ANO3: variants seen among roughly 807,000 people sequenced by gnomAD.
ANO3 encodes the protein anoctamin 3.
A neutral mutation model predicts 144.8 loss-of-function variants in ANO3; 99 were observed. That is an observed-to-expected ratio of 0.68 (90% confidence interval 0.58 to 0.81). The LOEUF is 0.81. ANO3 is among the 30% of genes least tolerant of loss of function. ANO3 has a pLI of 0.00. For missense variants in ANO3, 905 were observed against 1,202.2 expected, an observed-to-expected ratio of 0.75 and a Z score of 3.66; for synonymous variants, 414 against 392.6, an observed-to-expected ratio of 1.05 and a Z score of -0.64.
At chr11:26,534,335 A>G (rs1849449127) in intron 8 of ANO3, 121 bp from the exon 9 acceptor site, 1 of 559,508 alleles carries the variant, frequency 1.8e-6, no homozygotes, top group Non-Finnish European at 3.2e-6. Context: ...TTTTTTTTAA[A>G]GAGGATGATT....
At chr11:26,507,689 T>A (rs999516232) in intron 4 of ANO3, among the ~76,000 whole-genome samples, 4 of 152,204 alleles carry the variant, frequency 2.6e-5, no homozygotes, top group African/African-American at 9.6e-5. Context: ...GTATATAGGA[T>A]AAAATATTGA....
intron 1 of ANO3, among the ~76,000 whole-genome samples, chr11:26,262,606 T>A (rs1362823666): frequency 1.3e-5 from 2 of 152,082 alleles, no homozygotes; most frequent in African/African-American, 4.8e-5. Flanking sequence ...ACTTTATATG[T>A]TGAAATCCTA....
At chr11:26,327,873 T>C (rs184353815), upstream of ANO3, among the ~76,000 whole-genome samples, 8 of 152,322 alleles carry the variant, frequency 5.3e-5, no homozygotes, top group Non-Finnish European at 1.0e-4. Flanking sequence ...TTTAATCCTA[T>C]AGGCAACTTG....
intron 1 of ANO3, among the ~76,000 whole-genome samples, chr11:26,299,299 T>C (rs1483932024): frequency 6.6e-6 from 1 of 152,184 alleles, no homozygotes; most frequent in Non-Finnish European, 1.5e-5. Flanking sequence ...ATGCCCCTAA[T>C]ATATCAAAGA....
intron 3 of ANO3, among the ~76,000 whole-genome samples, chr11:26,452,393 A>G (rs1251954194): frequency 2.6e-5 from 4 of 152,218 alleles, no homozygotes; most frequent in Non-Finnish European, 2.9e-5. Flanking sequence ...AAAGGAGCTG[A>G]TGGAGCTGAA....
chr11:26,426,946 T>G (rs1857937688), intron 1 of ANO3: 1 of 152,288 alleles, frequency 6.6e-6, no homozygotes, highest in African/African-American at 2.4e-5. Flanking sequence ...TCTTCTAACA[T>G]TCCTTGAAGT....
intron 1 of ANO3, among the ~76,000 whole-genome samples, chr11:26,211,490 T>G (rs904678516): frequency 1.1e-4 from 17 of 152,242 alleles, no homozygotes; most frequent in South Asian, 8.3e-4. Context: ...ACTACAGACA[T>G]GCAAATCAAA....
intron 1 of ANO3, among the ~76,000 whole-genome samples, chr11:26,296,141 A>G (rs1160902717): frequency 6.6e-6 from 1 of 152,176 alleles, no homozygotes; most frequent in Non-Finnish European, 1.5e-5. Context: ...GTAAGGTTGC[A>G]TTTTCTCTTG....
Position 26,264,226 on chromosome 11 carries a change from A to G in ANO3, c.155-45419A>G, listed in dbSNP as rs547194338. 9.5e-4 allele frequency among the ~76,000 whole-genome samples: 144 copies of G among 152,348 alleles called. 1 individual carries two copies. Among genetic ancestry groups the G allele is most frequent in the African/African-American group, 3.2e-3 (134 of 41,592 alleles). ...AATTAAACTACAACATGTAGCTTCA[A>G]TGTAACCAGGAAATCAATCTATTGA... is the stretch of plus-strand genomic sequence containing the variant. On this transcript the variant is annotated intron_variant, in intron 1 of 27. Transcript: ENST00000672621.
chr11:26,629,397 C>CCTATCTAT (rs34205606), intron 18 of ANO3, among the ~76,000 whole-genome samples: 117 of 151,062 alleles, frequency 7.7e-4, no homozygotes, highest in Middle Eastern at 3.4e-3. Context: ...TTACATTATT[C>CCTATCTAT]CTATCTATCT....
intron 1 of ANO3, among the ~76,000 whole-genome samples, chr11:26,232,270 G>A (rs971295018): frequency 6.6e-6 from 1 of 152,178 alleles, no homozygotes; most frequent in African/African-American, 2.4e-5. Context: ...AGGAGTGGGT[G>A]AAAAGCTGGT....
chr11:26,195,378 C>T (rs1021502329), intron 1 of ANO3, among the ~76,000 whole-genome samples: 1 of 152,094 alleles, frequency 6.6e-6, no homozygotes, highest in Non-Finnish European at 1.5e-5. Context: ...TATGTATGTA[C>T]CAGAAATTAA....
intron 1 of ANO3, among the ~76,000 whole-genome samples, chr11:26,303,682 C>A (rs1854289843): frequency 6.6e-6 from 1 of 152,076 alleles, no homozygotes; most frequent in African/African-American, 2.4e-5. Flanking sequence ...TACAAATGTA[C>A]CACTTGAATC....
At chr11:26,397,587 G>A (rs1857048074) in intron 1 of ANO3, among the ~76,000 whole-genome samples, 1 of 151,850 alleles carries the variant, frequency 6.6e-6, no homozygotes, top group African/African-American at 2.4e-5. Context: ...CATAATAATT[G>A]TAAATATTAT....
At chr11:26,532,171 A>G (rs1217611268) in intron 8 of ANO3, among the ~76,000 whole-genome samples, 1 of 152,214 alleles carries the variant, frequency 6.6e-6, no homozygotes, top group Non-Finnish European at 1.5e-5. Context: ...CCATCAATCA[A>G]TGGGAAACCC....
chr11:26,245,210 A>G (rs1852763317), intron 1 of ANO3, among the ~76,000 whole-genome samples: 2 of 152,172 alleles, frequency 1.3e-5, no homozygotes, highest in Non-Finnish European at 2.9e-5. Flanking sequence ...CATGATGTCA[A>G]TTGGTCCCAT....
chr11:26,648,020 G>C (rs1048723941), intron 24 of ANO3, among the ~76,000 whole-genome samples, 164 bp downstream of exon 24: 1 of 152,108 alleles, frequency 6.6e-6, no homozygotes, highest in African/African-American at 2.4e-5. Flanking sequence ...AAGGACAACA[G>C]TGTTATTATA....
At chr11:26,234,788 T>C (rs1852478809) in intron 1 of ANO3, among the ~76,000 whole-genome samples, 2 of 152,166 alleles carry the variant, frequency 1.3e-5, no homozygotes, top group African/African-American at 2.4e-5. Context: ...AGGATATACA[T>C]AGAGTGAGAT....
chr11:26,449,217 G>A (rs1342257940), intron 3 of ANO3, among the ~76,000 whole-genome samples: 1 of 152,054 alleles, frequency 6.6e-6, no homozygotes, highest in Admixed American at 6.6e-5. Flanking sequence ...AATAAGCTAG[G>A]TTCACATCAG....
Sources: gnomAD v4.1 joint callset for allele counts (sites outside exome capture counted in the v4.1 genomes callset) on GRCh38, gnomAD v4.1.1 for gene constraint, MANE v1.5 for transcripts, NCBI Gene and HGNC (gene_info 2026-07-23, HGNC 2026-07-21) for gene names.